Variants in IRF2 observed in about 807,000 individuals in gnomAD.
IRF2 encodes the protein interferon regulatory factor 2.
A neutral mutation model predicts 40.6 loss-of-function variants in IRF2; 15 were observed. That is an observed-to-expected ratio of 0.37 (90% CI 0.25 to 0.57). The LOEUF (loss-of-function observed/expected upper bound fraction) is 0.57, where lower values mean the gene tolerates loss of function less well. Ranked by LOEUF, IRF2 falls within the 20% of genes least tolerant of loss-of-function variation. The pLI, the probability that IRF2 is intolerant of heterozygous loss-of-function variation, is 0.77. For missense variants in IRF2, 317 were observed against 455.7 expected, an observed-to-expected ratio of 0.70 and a Z score of 2.77; for synonymous variants, 151 against 165.5, an observed-to-expected ratio of 0.91 and a Z score of 0.67.
intron 1 of IRF2, among the ~76,000 whole-genome samples, chr4:184,468,118 C>T (rs561836064): frequency 9.8e-5 from 15 of 152,286 alleles, no homozygotes; most frequent in East Asian, 1.9e-4. Context: ...CAAAACCAAA[C>T]GCCTAATTCT....
chr4:184,408,381 A>G lies in IRF2; in HGVS notation c.412-106T>C, dbSNP rs375037358. On this transcript the variant is annotated intron_variant, in intron 5 of 8. Coordinates refer to ENST00000393593, the MANE Select transcript of IRF2 (RefSeq NM_002199.4). The surrounding 1 kb of genome is among the most constrained non-coding windows in gnomAD (Gnocchi z 4.9). ...ACTTTCTTTAATGCTAGGGTCATTC[A>G]TGTTCAGCTGCCGAATACATTCATC... 3 of 740,954 alleles carry G rather than the reference A, an allele frequency of 4.0e-6. No individual in the cohort carries two copies. Among genetic ancestry groups the G allele is most frequent in the Non-Finnish European group, 7.1e-6 (3 of 422,518 alleles). 45.9% of individuals were successfully genotyped at this position (740,954 alleles called of 1,614,324 possible).
At chr4:184,464,071 A>AGGACATGAAGATAGGGAATGTATT (rs1739236815) in intron 1 of IRF2, among the ~76,000 whole-genome samples, 2 of 152,226 alleles carry the variant, frequency 1.3e-5, no homozygotes, top group Non-Finnish European at 2.9e-5. Context: ...GGGACCGTAT[A>AGGACATGAAGATAGGGAATGTATT]GGACATGAAG....
chr4:184,445,652 CACAA>C (rs1738477209), intron 1 of IRF2, among the ~76,000 whole-genome samples: 1 of 84,732 alleles, frequency 1.2e-5, no homozygotes, highest in African/African-American at 3.2e-5. Flanking sequence ...GAGACTCCAT[CACAA>C]AAAAAAAAAA....
In IRF2 at chr4:184,389,135, A is replaced by C. The variant is rs182208491; in HGVS notation, c.742-69T>G. 3,513 of 1,484,194 alleles carry C rather than the reference A, an allele frequency of 2.4e-3. 19 individuals carry two copies. The highest frequency in any genetic ancestry group is 3.1e-3 in the South Asian group (267 of 87,464). The allele number at this position is 1,484,194 out of a possible 1,614,324, so 91.9% of individuals were successfully genotyped here. A position where few individuals can be genotyped will look rare whatever the true frequency, so the allele number is the denominator to read the frequency against. The stretch of plus-strand genomic sequence containing the variant: ...TTGGATGGCTTTTTAAAAATGCATC[A>C]CTGGCCAGGTGTGGTGGCTCATGCC... On this transcript the variant is annotated intron_variant, in intron 8 of 8. Transcript: ENST00000393593.
In IRF2 at chr4:184,418,776, AAC is replaced by A. The variant is rs556708519; in HGVS notation, c.188-70_188-69del. On this transcript the variant is annotated intron_variant, in intron 3 of 8. Transcript: ENST00000393593. Reference sequence around the variant, plus strand: ...AGATACAGAGGAAGGAATTTCTGGAAACACAGTATTGCTGGTCAGGCAGTATA... The same window carrying A: ...AGATACAGAGGAAGGAATTTCTGGAAACAGTATTGCTGGTCAGGCAGTATA... 8.8e-4 allele frequency: 1,187 copies of A among 1,349,238 alleles called. 4 individuals carry two copies. The Middle Eastern group carries it at 0.011, about 13-fold the overall frequency. The allele number at this position is 1,349,238 out of a possible 1,614,324, so 83.6% of individuals were successfully genotyped here.
At chr4:184,397,402 C>T (rs933982389) in intron 7 of IRF2, among the ~76,000 whole-genome samples, 10 of 152,176 alleles carry the variant, frequency 6.6e-5, no homozygotes, top group Admixed American at 2.6e-4. Flanking sequence ...AGATGAAAAA[C>T]GTTCTGGAGG....
chr4:184,473,406 G>A (rs1186861304), intron 1 of IRF2, among the ~76,000 whole-genome samples: 1 of 147,142 alleles, frequency 6.8e-6, no homozygotes, highest in Non-Finnish European at 1.5e-5. Context: ...GGGACCCGGG[G>A]GCGCACGGCG....
intron 5 of IRF2, among the ~76,000 whole-genome samples, chr4:184,415,650 G>A (rs1213230148): frequency 6.6e-6 from 1 of 152,202 alleles, no homozygotes. Flanking sequence ...AGCATCATTG[G>A]CATCTGGCGT....
chr4:184,417,835 T>C (rs936338469), intron 5 of IRF2, among the ~76,000 whole-genome samples: 1 of 145,228 alleles, frequency 6.9e-6, no homozygotes, highest in Non-Finnish European at 1.6e-5. Flanking sequence ...TACTTAATAG[T>C]ATGAGAATAA....
chr4:184,468,216 G>A (rs549757059), intron 1 of IRF2, among the ~76,000 whole-genome samples: 4 of 152,292 alleles, frequency 2.6e-5, no homozygotes, highest in East Asian at 3.9e-4. Flanking sequence ...GGCTGGGCGC[G>A]GTGGCTCACA....
chr4:184,449,956 G>GA (rs1303009455), intron 1 of IRF2, among the ~76,000 whole-genome samples: 1 of 152,180 alleles, frequency 6.6e-6, no homozygotes, highest in African/African-American at 2.4e-5. Context: ...GAAACACCAG[G>GA]ATGTGAGAAG....
chr4:184,407,441 A>T (rs553186397), intron 6 of IRF2, among the ~76,000 whole-genome samples: 1 of 152,364 alleles, frequency 6.6e-6, no homozygotes, highest in East Asian at 1.9e-4. Context: ...CTGCATCTTT[A>T]CAGGGGGTGC....
At chr4:184,425,859 C>T (rs1406918606) in intron 2 of IRF2, among the ~76,000 whole-genome samples, 2 of 152,190 alleles carry the variant, frequency 1.3e-5, no homozygotes, top group Non-Finnish European at 2.9e-5. Flanking sequence ...GCATCAATCT[C>T]CTAAGACTGT....
At position 184,412,005 on chromosome 4, in the gene IRF2, T is replaced by TAAA. The variant is rs35183333; in HGVS notation, c.412-3733_412-3731dup. ...AATTTTCTCCCCTTGCTCCAAAGAT[T>TAAA]AAAAAAAAAAAAAAAAAAAAAAAAG... On this transcript the variant is annotated intron_variant, in intron 5 of 8. Transcript: ENST00000393593. 3.2e-3 allele frequency among the ~76,000 whole-genome samples: 307 copies of TAAA among 95,248 alleles called. 5 individuals are homozygous for TAAA. The highest frequency in any genetic ancestry group is 0.013 in the African/African-American group (288 of 22,236). 62.5% of individuals were successfully genotyped at this position (95,248 alleles called of 152,430 possible).
intron 1 of IRF2, among the ~76,000 whole-genome samples, chr4:184,436,059 C>T (rs956058370): frequency 3.3e-5 from 5 of 151,832 alleles, no homozygotes; most frequent in African/African-American, 1.2e-4. Context: ...TCACTGCAAC[C>T]TCTGCCTCCC....
chr4:184,428,615 T>G, intron 2 of IRF2: 1 of 419,380 alleles, frequency 2.4e-6, no homozygotes, highest in Non-Finnish European at 4.8e-6. Flanking sequence ...CTGGGCAACA[T>G]GGCGAGATCC....
intron 7 of IRF2, among the ~76,000 whole-genome samples, chr4:184,395,751 A>G (rs774596769): frequency 7.9e-5 from 12 of 152,236 alleles, no homozygotes; most frequent in Admixed American, 1.3e-4. Context: ...AACGGAAAGA[A>G]CCAAAGGCCA....
In IRF2 at chr4:184,413,314, A is replaced by G. The variant is rs752541681; in HGVS notation, c.411+4853T>C. 6.6e-5 allele frequency among the ~76,000 whole-genome samples: 10 copies of G among 152,072 alleles called. No individual in the cohort carries two copies. Among genetic ancestry groups the G allele is most frequent in the South Asian group, 2.1e-4 (1 of 4,818 alleles). On this transcript the variant is annotated intron_variant, in intron 5 of 8. Coordinates refer to ENST00000393593, the MANE Select transcript of IRF2 (RefSeq NM_002199.4). The surrounding 1 kb of genome is among the most constrained non-coding windows in gnomAD (Gnocchi z 4.2). ...TAAAACTGTCCCTCAAGCTCTTCCA[A>G]CTGGGTTCGGAGCTCCCGTTCTGAG...
chr4:184,443,073 G>A (rs1210052792), intron 1 of IRF2, among the ~76,000 whole-genome samples: 1 of 152,068 alleles, frequency 6.6e-6, no homozygotes, highest in Non-Finnish European at 1.5e-5. Flanking sequence ...TTACAGGCAC[G>A]TGCCACCTTG....
Sources: gnomAD v4.1 joint callset for allele counts (sites outside exome capture counted in the v4.1 genomes callset) on GRCh38, gnomAD v4.1.1 for gene constraint, Gnocchi (gnomAD v3.1) non-coding constraint, MANE v1.5 for transcripts, NCBI Gene and HGNC (gene_info 2026-07-23, HGNC 2026-07-21) for gene names.